Variants in TRIM9 observed in about 807,000 individuals in gnomAD.
TRIM9 encodes E3 ubiquitin-protein ligase TRIM9.
Under a neutral mutation model 78.3 loss-of-function variants are expected in TRIM9, and 26 were observed. The ratio of observed to expected loss-of-function variants is 0.33; its 90% CI spans 0.24 to 0.46. The LOEUF is 0.46. Among genes scored for constraint, TRIM9 ranks in the 20% least tolerant of loss-of-function variants. The pLI, the probability that TRIM9 is intolerant of heterozygous loss-of-function variation, is 1.00. For missense variants in TRIM9, 787 were observed against 1,036.4 expected (o/e 0.76, Z 3.30); for synonymous variants, 398 against 416.5 (o/e 0.96, Z 0.54).
chr14:51,074,736 T>G (rs1231742910), intron 1 of TRIM9, among the ~76,000 whole-genome samples: 1 of 152,166 alleles, frequency 6.6e-6, no homozygotes, highest in Non-Finnish European at 1.5e-5. Flanking sequence ...GGGGCAGAGC[T>G]CAAAGCTGGT....
At chr14:51,024,758 A>C (rs1347700487) in intron 2 of TRIM9, among the ~76,000 whole-genome samples, 3 of 152,178 alleles carry the variant, frequency 2.0e-5, no homozygotes, top group Admixed American at 6.5e-5. Flanking sequence ...GGGAGGAAGA[A>C]AAGAAGAAAG....
rs745563419 is a variant in TRIM9, at chr14:51,094,847, C to G, written c.93G>C (p.Gln31His). ...IILPCSHNLCQACARNILVQT... is the reference protein window; with the variant it reads ...IILPCSHNLCHACARNILVQT... ...GCACCAGGATGTTGCGGGCGCACGC[C>G]TGACACAAATTGTGAGAGCAGGGCA... The change falls in exon 1 of 13, where the codon CAG becomes CAC. Residue 31 changes from glutamine (Q) to histidine (H), a missense_variant. Around this residue, in one of 3 missense-constraint regions of TRIM9, gnomAD observed 352 missense variants for 472.3 expected, o/e 0.75. Transcript: ENST00000684578. 1 of 1,533,410 alleles carries G rather than the reference C, an allele frequency of 6.5e-7. No homozygotes were observed. Among genetic ancestry groups the G allele is most frequent in the Non-Finnish European group, 8.7e-7 (1 of 1,145,478 alleles). 95.0% of individuals were successfully genotyped at this position (1,533,410 alleles called of 1,614,324 possible).
chr14:51,062,422 T>C (rs1398858252), intron 1 of TRIM9, among the ~76,000 whole-genome samples: 1 of 152,196 alleles, frequency 6.6e-6, no homozygotes, highest in African/African-American at 2.4e-5. Context: ...AGTACCAGTT[T>C]CACTCATGGT....
chr14:51,040,097 A>G (rs1194137851), intron 1 of TRIM9, among the ~76,000 whole-genome samples: 1 of 152,206 alleles, frequency 6.6e-6, no homozygotes, highest in Non-Finnish European at 1.5e-5. Context: ...TTTTAAATAT[A>G]TAACAGGATA....
chr14:51,078,939 T>G (rs533341748), intron 1 of TRIM9, among the ~76,000 whole-genome samples: 4 of 152,338 alleles, frequency 2.6e-5, no homozygotes, highest in African/African-American at 9.6e-5. Flanking sequence ...ATGATAGACA[T>G]GTTAGTCTGC....
intron 5 of TRIM9, among the ~76,000 whole-genome samples, chr14:51,001,450 T>C (rs371193891): frequency 5.3e-4 from 80 of 152,024 alleles, no homozygotes; most frequent in East Asian, 3.3e-3. Context: ...AGGATGGTCT[T>C]GATCTCCTGA....
At chr14:51,027,334 G>C (rs901046052) in intron 1 of TRIM9, among the ~76,000 whole-genome samples, 2 of 151,850 alleles carry the variant, frequency 1.3e-5, no homozygotes, top group African/African-American at 4.8e-5. Context: ...AGTAGAGATG[G>C]GGTTTCTCCA....
At chr14:51,069,285 G>T (rs1330982831) in intron 1 of TRIM9, among the ~76,000 whole-genome samples, 2 of 152,196 alleles carry the variant, frequency 1.3e-5, no homozygotes, top group African/African-American at 4.8e-5. Context: ...GTTCATCTGT[G>T]TTAATCTAGA....
intron 1 of TRIM9, among the ~76,000 whole-genome samples, chr14:51,035,933 A>G (rs4901072): frequency 0.8 from 121,773 of 152,228 alleles, 49,134 homozygotes; most frequent in African/African-American, 0.85. Context: ...AGAGCCTTGT[A>G]CAGAGTAGTA....
intron 1 of TRIM9, among the ~76,000 whole-genome samples, chr14:51,092,117 T>A (rs531436893): frequency 1.4e-4 from 21 of 152,206 alleles, no homozygotes; most frequent in Non-Finnish European, 2.6e-4. Flanking sequence ...GGACTATAAT[T>A]AGCAGTTTAA....
chr14:51,049,592 C>T (rs1473253259), intron 1 of TRIM9, among the ~76,000 whole-genome samples: 1 of 151,974 alleles, frequency 6.6e-6, no homozygotes, highest in Non-Finnish European at 1.5e-5. Context: ...CTTTGGGAGG[C>T]CGAGAGGGGT....
chr14:50,986,690 T>C (rs1283773087), intron 7 of TRIM9, among the ~76,000 whole-genome samples: 2 of 152,148 alleles, frequency 1.3e-5, no homozygotes, highest in African/African-American at 4.8e-5. Flanking sequence ...GACTCTATCT[T>C]TGAATAGGAG....
At chr14:51,048,535 A>G (rs1247338459) in intron 1 of TRIM9, among the ~76,000 whole-genome samples, 2 of 152,238 alleles carry the variant, frequency 1.3e-5, no homozygotes, top group East Asian at 3.8e-4. Context: ...ATAAAGGCCA[A>G]TATGACCCAG....
chr14:51,025,146 A>C (rs1028270345), intron 2 of TRIM9, 119 bp downstream of exon 2: 14 of 898,072 alleles, frequency 1.6e-5, no homozygotes, highest in Non-Finnish European at 2.5e-5. Flanking sequence ...GAACAACAAC[A>C]ACCACAAAAT....
At chr14:50,984,604 T>C (rs754598949) in intron 8 of TRIM9, among the ~76,000 whole-genome samples, 1 of 152,224 alleles carries the variant, frequency 6.6e-6, no homozygotes, top group Non-Finnish European at 1.5e-5. Flanking sequence ...GAAATAAGTT[T>C]GTAGAATCTG....
At chr14:51,021,960 A>G (rs1370337725) in intron 3 of TRIM9, among the ~76,000 whole-genome samples, 1 of 152,140 alleles carries the variant, frequency 6.6e-6, no homozygotes, top group Admixed American at 6.5e-5. Context: ...TTTTCTAGAA[A>G]GTACAGATTC....
intron 3 of TRIM9, among the ~76,000 whole-genome samples, chr14:51,019,768 A>G (rs2057570045): frequency 6.6e-6 from 1 of 152,194 alleles, no homozygotes; most frequent in Non-Finnish European, 1.5e-5. Context: ...TTACACACAG[A>G]TGAAATAAAC....
In TRIM9 at chr14:51,010,593, T is replaced by C. The variant is rs550246367; in HGVS notation, c.1042-99A>G. On this transcript the variant is annotated intron_variant, in intron 3 of 12. Transcript: ENST00000684578. ...AAAGCTTCTTCAAACCAGAATCCAT[T>C]CCATTCTGGAATGGAACTAAATTTA... is the stretch of plus-strand genomic sequence containing the variant. The C allele has an allele frequency of 1.2e-3, 1,012 of 854,540 alleles. 1 individual carries two copies. The highest frequency in any genetic ancestry group is 1.6e-3 in the Non-Finnish European group (835 of 534,248). The allele number at this position is 854,540 out of a possible 1,614,324, so 52.9% of individuals were successfully genotyped here. A position where few individuals can be genotyped will look rare whatever the true frequency, so the allele number is the denominator to read the frequency against.
chr14:51,093,227 T>A (rs2064554528), intron 1 of TRIM9, among the ~76,000 whole-genome samples: 1 of 152,132 alleles, frequency 6.6e-6, no homozygotes, highest in Non-Finnish European at 1.5e-5. Flanking sequence ...TGTCTAGCCA[T>A]GGTGGAAATA....
Sources: allele counts gnomAD v4.1 joint callset (sites outside exome capture counted in the v4.1 genomes callset), GRCh38; gene constraint gnomAD v4.1.1; regional missense constraint gnomAD v4.1.1; transcripts MANE v1.5; gene names NCBI Gene and HGNC (gene_info 2026-07-23, HGNC 2026-07-21).